ADAMTSL1: variants seen among roughly 807,000 people sequenced by gnomAD.
ADAMTSL1 encodes ADAMTS-like protein 1.
In ADAMTSL1, 126 loss-of-function variants were observed where a neutral mutation model predicts 201.8. The ratio of observed to expected loss-of-function variants is 0.62; its 90% CI spans 0.54 to 0.72. The LOEUF is 0.72. Ranked by LOEUF, ADAMTSL1 falls within the 30% of genes least tolerant of loss-of-function variation. The pLI, the probability that ADAMTSL1 is intolerant of heterozygous loss-of-function variation, is 0.00. For missense variants in ADAMTSL1, 2,679 were observed against 2,277.8 expected, an observed-to-expected ratio of 1.18 and a Z score of -3.59; for synonymous variants, 1,121 against 903.4, an observed-to-expected ratio of 1.24 and a Z score of -4.32.
chr9:17,935,418 A>G (rs547642567), intron 1 of ADAMTSL1, among the ~76,000 whole-genome samples: 10 of 152,258 alleles, frequency 6.6e-5, no homozygotes, highest in African/African-American at 2.2e-4. Context: ...CTAGATTTGT[A>G]TCTGTAGCTT....
At chr9:18,251,875 G>C (rs554897965) in intron 2 of ADAMTSL1, among the ~76,000 whole-genome samples, 161 of 152,164 alleles carry the variant, frequency 1.1e-3, no homozygotes, top group African/African-American at 3.5e-3. Flanking sequence ...GGAAAAATTT[G>C]GTTCAACTAA....
intron 7 of ADAMTSL1, among the ~76,000 whole-genome samples, chr9:18,655,393 A>AAG (rs1157591956): frequency 1.3e-5 from 2 of 152,216 alleles, no homozygotes; most frequent in Non-Finnish European, 2.9e-5. Context: ...TGATTATAGA[A>AAG]AGAAGAGCTT....
chr9:17,926,804 G>A (rs1826554857), intron 1 of ADAMTSL1, among the ~76,000 whole-genome samples: 1 of 152,152 alleles, frequency 6.6e-6, no homozygotes, highest in Non-Finnish European at 1.5e-5. Flanking sequence ...TTCTGACTGT[G>A]TGTGTCTATG....
At chr9:17,979,576 T>C (rs1818603716) in intron 1 of ADAMTSL1, among the ~76,000 whole-genome samples, 1 of 152,044 alleles carries the variant, frequency 6.6e-6, no homozygotes, top group Non-Finnish European at 1.5e-5. Context: ...GTTTTTTTCA[T>C]GTATTGGTAC....
At chr9:18,302,783 G>T (rs1385698316) in intron 2 of ADAMTSL1, among the ~76,000 whole-genome samples, 1 of 152,118 alleles carries the variant, frequency 6.6e-6, no homozygotes, top group Non-Finnish European at 1.5e-5. Flanking sequence ...TTTTGTGCTT[G>T]GAAAGTTTAT....
intron 12 of ADAMTSL1, 36 bp from the exon 13 acceptor site, chr9:18,684,680 C>T: frequency 1.2e-6 from 2 of 1,602,312 alleles, no homozygotes; most frequent in East Asian, 4.5e-5. Flanking sequence ...TTGGTTCTAA[C>T]CTCTTCTTTT....
At position 18,070,898 on chromosome 9, in the gene ADAMTSL1, G is replaced by T. The variant is rs912685455; in HGVS notation, c.88-92964G>T. On this transcript the variant is annotated intron_variant, in intron 1 of 29. Transcript: ENST00000680146. Reference sequence around the variant, plus strand: ...TAGTGGCATCAAATATGTGAATGTTGTCCAGCAGCACTTGGCAGCCCAGGT... The same window carrying T: ...TAGTGGCATCAAATATGTGAATGTTTTCCAGCAGCACTTGGCAGCCCAGGT... Among the ~76,000 whole-genome samples the T allele has an allele frequency of 4.6e-5, 7 of 152,300 alleles. No individual in the cohort carries two copies. The East Asian group carries it at 9.7e-4, about 21-fold the overall frequency.
At chr9:18,707,865 G>A (rs1832318869) in intron 14 of ADAMTSL1, among the ~76,000 whole-genome samples, 1 of 152,196 alleles carries the variant, frequency 6.6e-6, no homozygotes, top group Non-Finnish European at 1.5e-5. Flanking sequence ...GTTATGAACA[G>A]GATTGTAGTG....
At chr9:18,846,673 G>A (rs527742588) in intron 23 of ADAMTSL1, among the ~76,000 whole-genome samples, 32 of 152,210 alleles carry the variant, frequency 2.1e-4, no homozygotes, top group African/African-American at 7.7e-4. Flanking sequence ...AGGGGAAGAG[G>A]CTAGATAGAG....
At chr9:18,438,524 T>G (rs967585018) in intron 2 of ADAMTSL1, among the ~76,000 whole-genome samples, 3 of 152,166 alleles carry the variant, frequency 2.0e-5, no homozygotes, top group African/African-American at 7.2e-5. Context: ...GAACCAAGGC[T>G]GGCTTCCTCC....
At chr9:18,653,529 A>T (rs1424945713) in intron 7 of ADAMTSL1, among the ~76,000 whole-genome samples, 11 of 151,750 alleles carry the variant, frequency 7.2e-5, no homozygotes, top group African/African-American at 2.4e-4. Flanking sequence ...GAATGCTGGC[A>T]CTTTTGGGAG....
intron 1 of ADAMTSL1, among the ~76,000 whole-genome samples, chr9:18,052,626 C>T (rs1443276965): frequency 6.6e-6 from 1 of 152,140 alleles, no homozygotes; most frequent in Non-Finnish European, 1.5e-5. Flanking sequence ...CAATAGTACC[C>T]CCTAACAGTG....
intron 1 of ADAMTSL1, among the ~76,000 whole-genome samples, chr9:17,968,099 C>A (rs551986321): frequency 1.4e-4 from 22 of 152,228 alleles, no homozygotes; most frequent in Non-Finnish European, 2.5e-4. Context: ...CACTTACTCT[C>A]TTCCTGGGTC....
chr9:18,020,744 A>G (rs539099013), intron 1 of ADAMTSL1, among the ~76,000 whole-genome samples: 1 of 152,234 alleles, frequency 6.6e-6, no homozygotes, highest in East Asian at 1.9e-4. Flanking sequence ...ACAGGCATCA[A>G]CTGACATAGA....
chr9:18,201,465 G>T (rs192782316), intron 2 of ADAMTSL1, among the ~76,000 whole-genome samples: 56 of 152,018 alleles, frequency 3.7e-4, no homozygotes, highest in African/African-American at 1.3e-3. Flanking sequence ...GAGTTAACTT[G>T]GATTTTGCCA....
intron 25 of ADAMTSL1, 23 bp from the exon 26 acceptor site, chr9:18,892,366 C>T (rs1458713452): frequency 6.2e-7 from 1 of 1,602,324 alleles, no homozygotes; most frequent in African/African-American, 1.3e-5. Context: ...TAGGGCTCTC[C>T]TGACACTTCT....
chr9:18,697,834 G>A lies in ADAMTSL1; in HGVS notation c.1575-8913G>A, dbSNP rs142898122. On this transcript the variant is annotated intron_variant, in intron 13 of 28. Transcript: ENST00000380548. ...TTGGAAGACGATAGGGTTACTGAAGGGAGAAATCAGGAGTTCCATTATGGA... is the reference window on the plus strand; with the variant it reads ...TTGGAAGACGATAGGGTTACTGAAGAGAGAAATCAGGAGTTCCATTATGGA... Among the ~76,000 whole-genome samples, 259 of 152,226 alleles carry A rather than the reference G, an allele frequency of 1.7e-3. 1 individual carries two copies. Among genetic ancestry groups the A allele is most frequent in the African/African-American group, 5.9e-3 (245 of 41,536 alleles).
chr9:17,987,674 C>T (rs1344405398), intron 1 of ADAMTSL1, among the ~76,000 whole-genome samples: 1 of 152,064 alleles, frequency 6.6e-6, no homozygotes, highest in Non-Finnish European at 1.5e-5. Context: ...TTAACCATCA[C>T]ATTCTTTTAG....
At chr9:18,887,695 C>T in intron 23 of ADAMTSL1, 136 bp from the exon 24 acceptor site, 1 of 738,046 alleles carries the variant, frequency 1.4e-6, no homozygotes, top group Admixed American at 2.5e-5. Context: ...TCAGGAATGG[C>T]AAATGTAATA....
Sources: gnomAD v4.1 joint callset for allele counts (sites outside exome capture counted in the v4.1 genomes callset) on GRCh38, gnomAD v4.1.1 for gene constraint, MANE v1.5 for transcripts, NCBI Gene and HGNC (gene_info 2026-07-23, HGNC 2026-07-21) for gene names.